SCCPDH: variants seen among roughly 807,000 people sequenced by gnomAD.
SCCPDH encodes saccharopine dehydrogenase (putative).
In SCCPDH, 34 loss-of-function variants were observed where a neutral mutation model predicts 51.5. That is an observed-to-expected ratio of 0.66 (90% confidence interval 0.50 to 0.88). SCCPDH has a LOEUF of 0.88. Among genes scored for constraint, SCCPDH ranks in the 40% least tolerant of loss-of-function variants. The pLI, the probability that SCCPDH is intolerant of heterozygous loss-of-function variation, is 0.00. For missense variants in SCCPDH, 464 were observed against 527.1 expected, an observed-to-expected ratio of 0.88 and a Z score of 1.17; for synonymous variants, 187 against 191.3, an observed-to-expected ratio of 0.98 and a Z score of 0.19.
chr1:246,749,938 C>G (rs1042168772), intron 5 of SCCPDH, among the ~76,000 whole-genome samples: 3 of 152,116 alleles, frequency 2.0e-5, no homozygotes, highest in Non-Finnish European at 4.4e-5. Context: ...CCTAGTTACA[C>G]TAGTAAAGAG....
rs1669084782 is a variant in SCCPDH, at chr1:246,766,140, G to GT, written c.1184+2dup. On this transcript the variant is annotated splice_donor_variant, in intron 11 of 11. Coordinates refer to ENST00000366510, the MANE Select transcript of SCCPDH (RefSeq NM_016002.3). LOFTEE classifies it high-confidence loss of function. ...GTGATGCTTCTCATCTGCCTAAGGC[G>GT]TAAGTTTGGTTTTCTTCCAATTAGA... 2 of 1,601,008 alleles carry GT rather than the reference G, an allele frequency of 1.2e-6. No homozygotes were observed. The highest frequency in any genetic ancestry group is 1.3e-5 in the African/African-American group (1 of 74,558).
intron 5 of SCCPDH, among the ~76,000 whole-genome samples, chr1:246,757,810 G>A (rs1038482426): frequency 2.0e-5 from 3 of 152,040 alleles, no homozygotes; most frequent in East Asian, 3.9e-4. Context: ...ATGTGCACAC[G>A]GACATATCCA....
chr1:246,765,393 G>C (rs557301080), intron 10 of SCCPDH, among the ~76,000 whole-genome samples: 6 of 152,306 alleles, frequency 3.9e-5, no homozygotes, highest in African/African-American at 1.2e-4. Flanking sequence ...CTGGCCCACG[G>C]GGGATTTTAA....
chr1:246,752,746 C>T (rs1012216205), intron 5 of SCCPDH, among the ~76,000 whole-genome samples: 2 of 151,864 alleles, frequency 1.3e-5, no homozygotes, highest in Non-Finnish European at 2.9e-5. Context: ...AGGAATTTTC[C>T]CTAATCAATA....
intron 11 of SCCPDH, among the ~76,000 whole-genome samples, chr1:246,766,457 A>G (rs1669088583): frequency 6.6e-6 from 1 of 152,194 alleles, no homozygotes; most frequent in African/African-American, 2.4e-5. Flanking sequence ...TAATAGTATT[A>G]CTAGGAGCTT....
Position 246,731,293 on chromosome 1 carries a change from A to G in SCCPDH, c.303+4289A>G, listed in dbSNP as rs192072268. Among the ~76,000 whole-genome samples the G allele has an allele frequency of 5.1e-4, 78 of 152,384 alleles. 1 individual carries two copies. The highest frequency in any genetic ancestry group is 1.3e-3 in the Admixed American group (20 of 15,310). ...TCCAGATTACTCAAAGAAGTGGGCCAGATGTGACAAAATGCAGTAAAAGTA... is the reference window on the plus strand; with the variant it reads ...TCCAGATTACTCAAAGAAGTGGGCCGGATGTGACAAAATGCAGTAAAAGTA... On this transcript the variant is annotated intron_variant, in intron 2 of 11. Coordinates refer to ENST00000366510, the MANE Select transcript of SCCPDH (RefSeq NM_016002.3).
chr1:246,750,209 C>G (rs919836264), intron 5 of SCCPDH, among the ~76,000 whole-genome samples: 2 of 152,114 alleles, frequency 1.3e-5, no homozygotes, highest in Non-Finnish European at 2.9e-5. Context: ...GGACACGGTC[C>G]TCATGCTAAT....
chr1:246,725,246 C>CT (rs1668375669), intron 1 of SCCPDH, among the ~76,000 whole-genome samples: 1 of 114,732 alleles, frequency 8.7e-6, no homozygotes, highest in Non-Finnish European at 1.7e-5. Flanking sequence ...TATTGATAAT[C>CT]TAAGCATTCA....
At chr1:246,744,186 A>G (rs1403590913) in intron 5 of SCCPDH, 61 bp downstream of exon 5, 14 of 971,398 alleles carry the variant, frequency 1.4e-5, no homozygotes, top group Non-Finnish European at 1.9e-5. Flanking sequence ...TTTGGAAATG[A>G]TACATGTGTC....
chr1:246,750,393 C>T (rs1252875684), intron 5 of SCCPDH, among the ~76,000 whole-genome samples: 10 of 152,128 alleles, frequency 6.6e-5, no homozygotes, highest in East Asian at 1.9e-4. Flanking sequence ...TACAACACTT[C>T]GTAAGGGGAT....
Position 246,767,260 on chromosome 1 carries a change from A to G in SCCPDH, c.1250A>G (p.His417Arg), listed in dbSNP as rs1246207824. Residue 417 changes from histidine (H) to arginine (R), a missense_variant, in exon 12 of 12, where the codon CAC becomes CGC. Physicochemically the swap from His to Arg is conservative, Grantham distance 29 (BLOSUM62 0). Coordinates refer to ENST00000366510, the MANE Select transcript of SCCPDH (RefSeq NM_016002.3). ...AAGTTGATTGACAGACTCAACAAAC[A>G]CGGTATTGAGTTTAGTGTTATTAGC... Reference protein sequence around the residue: ...KTKLIDRLNKHGIEFSVISSS... With the variant: ...KTKLIDRLNKRGIEFSVISSS... 2 of 1,611,520 alleles carry G rather than the reference A, an allele frequency of 1.2e-6. No individual in the cohort carries two copies. The highest frequency in any genetic ancestry group is 1.7e-6 in the Non-Finnish European group (2 of 1,178,460).
At chr1:246,744,197 T>C (rs935541443) in intron 5 of SCCPDH, 72 bp downstream of exon 5, 39 of 830,908 alleles carry the variant, frequency 4.7e-5, no homozygotes, top group Non-Finnish European at 7.8e-6. Context: ...TACATGTGTC[T>C]TTTAGGTATG....
In SCCPDH at chr1:246,744,061, C is replaced by G. The variant is rs1225174081; in HGVS notation, c.515-15C>G. 1.3e-6 allele frequency: 2 copies of G among 1,527,326 alleles called. No individual in the cohort carries two copies. The highest frequency in any genetic ancestry group is 9.0e-7 in the Non-Finnish European group (1 of 1,108,910). 94.6% of individuals were successfully genotyped at this position (1,527,326 alleles called of 1,614,324 possible). A position where few individuals can be genotyped will look rare whatever the true frequency, so the allele number is the denominator to read the frequency against. On this transcript the variant is annotated splice_polypyrimidine_tract_variant and intron_variant, in intron 4 of 11. Transcript: ENST00000366510. ...TTATTTTATTTTGCTTTTTACCATT[C>G]TCCTACTCTTTTAGGTACTTTGACT...
At chr1:246,748,960 G>C (rs557477931) in intron 5 of SCCPDH, among the ~76,000 whole-genome samples, 50 of 152,322 alleles carry the variant, frequency 3.3e-4, no homozygotes, top group African/African-American at 1.2e-3. Flanking sequence ...TGGTTTCACT[G>C]CACCCTGTTA....
intron 5 of SCCPDH, among the ~76,000 whole-genome samples, chr1:246,756,021 T>C (rs1002148236): frequency 6.6e-6 from 1 of 152,094 alleles, no homozygotes; most frequent in Non-Finnish European, 1.5e-5. Flanking sequence ...GCCCTCACGG[T>C]TGGGAATGGC....
chr1:246,747,532 T>A (rs984199083), intron 5 of SCCPDH, among the ~76,000 whole-genome samples: 6 of 152,156 alleles, frequency 3.9e-5, no homozygotes, highest in African/African-American at 9.7e-5. Context: ...GCAAAAGAAA[T>A]AGCGCTGAAA....
intron 5 of SCCPDH, among the ~76,000 whole-genome samples, chr1:246,745,785 C>A (rs957933770): frequency 6.6e-6 from 1 of 152,144 alleles, no homozygotes; most frequent in African/African-American, 2.4e-5. Flanking sequence ...GGACAAGCCA[C>A]AGACAAAACC....
chr1:246,761,606 A>G (rs1478957369), intron 9 of SCCPDH, among the ~76,000 whole-genome samples: 3 of 152,208 alleles, frequency 2.0e-5, no homozygotes, highest in East Asian at 1.9e-4. Flanking sequence ...TTCTGTCTCT[A>G]TGAATTTGAT....
chr1:246,755,290 C>T (rs1286593797), intron 5 of SCCPDH, among the ~76,000 whole-genome samples: 1 of 152,110 alleles, frequency 6.6e-6, no homozygotes, highest in African/African-American at 2.4e-5. Flanking sequence ...TTTCGATGTG[C>T]ATCTGGACAA....
Sources: allele counts gnomAD v4.1 joint callset (sites outside exome capture counted in the v4.1 genomes callset), GRCh38; gene constraint gnomAD v4.1.1; transcripts MANE v1.5; gene names NCBI Gene and HGNC (gene_info 2026-07-23, HGNC 2026-07-21).